Variants in CHRD observed in about 807,000 individuals in gnomAD.
CHRD encodes the protein chordin.
In CHRD, 69 loss-of-function variants were observed where a neutral mutation model predicts 113.7. The ratio of observed to expected loss-of-function variants is 0.61; its 90% CI spans 0.50 to 0.74. CHRD has a LOEUF of 0.74. CHRD is among the 30% of genes least tolerant of loss of function. The probability of loss-of-function intolerance (pLI) is 0.00; values close to 1 mark genes in which losing one functional copy is unlikely to be tolerated. For missense variants in CHRD, 1,194 were observed against 1,295.8 expected, an observed-to-expected ratio of 0.92 and a Z score of 1.21; for synonymous variants, 561 against 540.8, an observed-to-expected ratio of 1.04 and a Z score of -0.52.
rs569589731 is a variant in CHRD, at chr3:184,387,974, G to A, written c.2495G>A (p.Arg832Gln). ...CACTGTGAGAAGGTGCAGTGTCCCC[G>A]GCTGGCCTGTGCCCAGCCTGTGCGT... Residue 832 changes from arginine (R) to glutamine (Q), a missense_variant, in exon 20 of 23, where the codon CGG becomes CAG. Coordinates refer to ENST00000204604, the Ensembl canonical transcript of CHRD. The surrounding 1 kb of genome is among the most constrained non-coding windows in gnomAD (Gnocchi z 6.1). 4.6e-5 allele frequency: 75 copies of A among 1,613,692 alleles called. No individual in the cohort carries two copies. The highest frequency in any genetic ancestry group is 5.8e-5 in the Non-Finnish European group (68 of 1,179,930).
Position 184,388,981 on chromosome 3 carries a change from C to A in CHRD, c.2798C>A (p.Thr933Lys), listed in dbSNP as rs779756651. Residue 933 changes from threonine (T) to lysine (K), a missense_variant, in exon 22 of 23, where the codon ACG becomes AAG. Coordinates refer to ENST00000204604, the Ensembl canonical transcript of CHRD. The surrounding 1 kb of genome is among the most constrained non-coding windows in gnomAD (Gnocchi z 6.1). The stretch of plus-strand genomic sequence containing the variant: ...GAGAGTCGATGCTGTTCCCGCTGCA[C>A]GGCCCACCGGCGGCGTAAGTGAGGG... 7 of 1,610,070 alleles carry A rather than the reference C, an allele frequency of 4.3e-6. No individual in the cohort carries two copies. In the East Asian group the frequency reaches 1.3e-4, roughly 31 times the overall value.
rs1393174909 is a variant in CHRD at position 184,388,442 on chromosome 3, T to A, written c.2555-145T>A. On this transcript the variant is annotated intron_variant, in intron 20 of 22. Coordinates refer to ENST00000204604, the Ensembl canonical transcript of CHRD. This position sits in a 1 kb window ranked among gnomAD's most constrained non-coding sequence, Gnocchi z 6.1. ...ATCCATCCATCCATCCGTCCCTTCA[T>A]CCATCCATTCATCTGCCCACCCACC... 1.2e-6 allele frequency: 1 copy of A among 825,468 alleles called. No individual in the cohort carries two copies. 51.1% of individuals were successfully genotyped at this position (825,468 alleles called of 1,614,324 possible). A position where few individuals can be genotyped will look rare whatever the true frequency, so the allele number is the denominator to read the frequency against.
chr3:184,382,869 T>C, exon 9 of CHRD: 1 of 1,613,022 alleles, frequency 6.2e-7, no homozygotes, highest in Admixed American at 1.7e-5. Flanking sequence ...TAACCCAGGT[T>C]CCCTTGAGGC....
At position 184,381,156 on chromosome 3, in the gene CHRD, G is replaced by A. The variant is rs1302388517; in HGVS notation, c.253-79G>A. The A allele has an allele frequency of 6.5e-7, 1 of 1,543,516 alleles. No individual in the cohort carries two copies. The highest frequency in any genetic ancestry group is 1.1e-5 in the South Asian group (1 of 89,758). On this transcript the variant is annotated intron_variant, in intron 2 of 22. Transcript: ENST00000204604. This position sits in a 1 kb window ranked among gnomAD's most constrained non-coding sequence, Gnocchi z 4.7. Reference sequence around the variant, plus strand: ...GTAAGTGGCAGAGCTGGCTGACTCTGCGGGACATCCTTGCCTGGGGGGGTC... The same window carrying A: ...GTAAGTGGCAGAGCTGGCTGACTCTACGGGACATCCTTGCCTGGGGGGGTC...
exon 16 of CHRD, chr3:184,386,580 C>T (rs1367831359): frequency 1.9e-6 from 3 of 1,584,236 alleles, no homozygotes; most frequent in South Asian, 1.1e-5. Context: ...GCTCCGGATA[C>T]AGCCTCTGCT....
Position 184,384,436 on chromosome 3 carries a change from T to C in CHRD, c.1441-101T>C. The C allele has an allele frequency of 7.7e-7, 1 of 1,304,140 alleles. No individual in the cohort carries two copies. Among genetic ancestry groups the C allele is most frequent in the Non-Finnish European group, 9.9e-7 (1 of 1,008,768 alleles). The allele number at this position is 1,304,140 out of a possible 1,614,324, so 80.8% of individuals were successfully genotyped here. On this transcript the variant is annotated intron_variant, in intron 12 of 22. Transcript: ENST00000204604. The surrounding 1 kb of genome is among the most constrained non-coding windows in gnomAD (Gnocchi z 4.4). ...GTCCTTATCCTGTGTTTCTGGTGTG[T>C]GGAAGTGTGTGTGGGTGGAGTGGGG... is the stretch of plus-strand genomic sequence containing the variant.
chr3:184,381,639 A>C lies in CHRD; in HGVS notation c.511+15A>C, dbSNP rs753637384. ...CGGCCACACGGGTAGGGGGCTGGCG[A>C]ACAGCGGGGTTGTGGTTGAGGCTGG... On this transcript the variant is annotated intron_variant, in intron 4 of 22. Transcript: ENST00000204604. The surrounding 1 kb of genome is among the most constrained non-coding windows in gnomAD (Gnocchi z 4.7). The C allele has an allele frequency of 1.2e-6, 2 of 1,604,294 alleles. No individual in the cohort carries two copies. The highest frequency in any genetic ancestry group is 1.7e-6 in the Non-Finnish European group (2 of 1,174,792).
exon 17 of CHRD, chr3:184,386,902 G>T: frequency 6.2e-7 from 1 of 1,614,214 alleles, no homozygotes; most frequent in Non-Finnish European, 8.5e-7. Flanking sequence ...CCCACACCCG[G>T]TGCAGGCTCC....
chr3:184,387,341 T>C lies in CHRD; in HGVS notation c.2348-33T>C, dbSNP rs746922591. 4.4e-6 allele frequency: 7 copies of C among 1,587,380 alleles called. No homozygotes were observed. Among genetic ancestry groups the C allele is most frequent in the South Asian group, 1.2e-5 (1 of 85,880 alleles). On this transcript the variant is annotated intron_variant, in intron 18 of 22. Transcript: ENST00000204604. This position sits in a 1 kb window ranked among gnomAD's most constrained non-coding sequence, Gnocchi z 6.1. ...GTTGTGGGCCCAGCTGATGAGCTCATACTAATGGCTGCTGGGCCCTGTTCC... is the reference window on the plus strand; with the variant it reads ...GTTGTGGGCCCAGCTGATGAGCTCACACTAATGGCTGCTGGGCCCTGTTCC...
exon 15 of CHRD, chr3:184,386,121 A>G: frequency 3.1e-6 from 5 of 1,614,180 alleles, no homozygotes; most frequent in Non-Finnish European, 4.2e-6. Context: ...CCTGATGATC[A>G]CCACCAAGGG....
Position 184,380,681 on chromosome 3 carries a change from C to G in CHRD, c.149-11C>G, listed in dbSNP as rs750135804. 5 of 1,572,592 alleles carry G rather than the reference C, an allele frequency of 3.2e-6. No homozygotes were observed. Among genetic ancestry groups the G allele is most frequent in the East Asian group, 4.8e-5 (2 of 41,416 alleles). ...CTGGGCAGCGGCCTCCAGCCAAGCC[C>G]GTCCCCGCAGGCTGCACCTTCGGCG... On this transcript the variant is annotated splice_polypyrimidine_tract_variant and intron_variant, in intron 1 of 22. Coordinates refer to ENST00000204604, the Ensembl canonical transcript of CHRD. This position sits in a 1 kb window ranked among gnomAD's most constrained non-coding sequence, Gnocchi z 6.3.
exon 9 of CHRD, chr3:184,382,919 A>G: frequency 6.2e-7 from 1 of 1,614,024 alleles, no homozygotes; most frequent in Non-Finnish European, 8.5e-7. Flanking sequence ...CGAGAACTTC[A>G]GGCCAATGTC....
chr3:184,387,121 G>C lies in CHRD; in HGVS notation c.2347+14G>C, dbSNP rs752279794. 2 of 1,612,964 alleles carry C rather than the reference G, an allele frequency of 1.2e-6. No homozygotes were observed. Among genetic ancestry groups the C allele is most frequent in the Non-Finnish European group, 1.7e-6 (2 of 1,179,040 alleles). On this transcript the variant is annotated intron_variant, in intron 18 of 22. Transcript: ENST00000204604. This position sits in a 1 kb window ranked among gnomAD's most constrained non-coding sequence, Gnocchi z 6.1. ...ACCCAGGAGAGGGTGAGCTGGAAGG[G>C]TGCGTGCAGGGTGGGAGGCCCCAGA...
In CHRD at chr3:184,381,914, C is replaced by A. The variant is rs1160068179; in HGVS notation, c.612-19C>A. ...CTGCTTTTGGCTCAGTCCGGCCTCA[C>A]CCGACCTCTCATTCCCAGGCTGGAC... On this transcript the variant is annotated intron_variant, in intron 5 of 22. Coordinates refer to ENST00000204604, the Ensembl canonical transcript of CHRD. The surrounding 1 kb of genome is among the most constrained non-coding windows in gnomAD (Gnocchi z 4.7). 1 of 1,613,958 alleles carries A rather than the reference C, an allele frequency of 6.2e-7. No homozygotes were observed. The highest frequency in any genetic ancestry group is 1.1e-5 in the South Asian group (1 of 91,060).
At position 184,381,606 on chromosome 3, in the gene CHRD, C is replaced by T. The variant is rs1201286138; in HGVS notation, c.493C>T (p.Arg165Cys). The change falls in exon 4 of 23, where the codon CGT becomes TGT. Residue 165 changes from arginine (R) to cysteine (C), a missense_variant. Coordinates refer to ENST00000204604, the Ensembl canonical transcript of CHRD. The surrounding 1 kb of genome is among the most constrained non-coding windows in gnomAD (Gnocchi z 4.7). ...GGAGCCAGGCGCTGAGGAGCGGGCC[C>T]GTGGTGACGGCCACACGGGTAGGGG... The T allele has an allele frequency of 6.2e-7, 1 of 1,606,714 alleles. No homozygotes were observed.
chr3:184,389,401 G>C, exon 23 of CHRD: 1 of 1,613,670 alleles, frequency 6.2e-7, no homozygotes, highest in African/African-American at 1.3e-5. Flanking sequence ...CAGAGCTGGA[G>C]AAAGAAGCCG....
Position 184,380,491 on chromosome 3 carries a change from CG to C in CHRD, c.148+28del. 8.9e-7 allele frequency: 1 copy of C among 1,127,082 alleles called. No homozygotes were observed. Among genetic ancestry groups the C allele is most frequent in the Non-Finnish European group, 1.1e-6 (1 of 919,424 alleles). 69.8% of individuals were successfully genotyped at this position (1,127,082 alleles called of 1,614,324 possible). ...GGTAGGTGGGCGCCCGGGGGAGGCG[CG>C]GGCGGGGAGTCGGGCTCGGGGCGAG... On this transcript the variant is annotated intron_variant, in intron 1 of 22. Coordinates refer to ENST00000204604, the Ensembl canonical transcript of CHRD. This position sits in a 1 kb window ranked among gnomAD's most constrained non-coding sequence, Gnocchi z 6.3.
At position 184,380,775 on chromosome 3, in the gene CHRD, G is replaced by A; in HGVS notation, c.232G>A (p.Val78Met). ...GGAGCCATTCGGGGTGATGCGCTGC[G>A]TGCTGTGCGCCTGCGAGGCGGTGAG... is the stretch of plus-strand genomic sequence containing the variant. The change falls in exon 2 of 23, where the codon GTG becomes ATG. Residue 78 changes from valine to methionine, a missense_variant. Coordinates refer to ENST00000204604, the Ensembl canonical transcript of CHRD. The surrounding 1 kb of genome is among the most constrained non-coding windows in gnomAD (Gnocchi z 6.3). 6.3e-7 allele frequency: 1 copy of A among 1,598,542 alleles called. No homozygotes were observed. Among genetic ancestry groups the A allele is most frequent in the South Asian group, 1.1e-5 (1 of 90,036 alleles).
In CHRD at chr3:184,388,679, C is replaced by T. The variant is rs1361709660; in HGVS notation, c.2647C>T (p.Gln883Ter). 6.2e-7 allele frequency: 1 copy of T among 1,613,864 alleles called. No individual in the cohort carries two copies. Among genetic ancestry groups the T allele is most frequent in the Non-Finnish European group, 8.5e-7 (1 of 1,180,042 alleles). Residue 883 changes from glutamine (Q) to a stop codon, truncating the protein, a stop_gained, in exon 21 of 23, where the codon CAG becomes TAG. Coordinates refer to ENST00000204604, the Ensembl canonical transcript of CHRD. LOFTEE classifies it high-confidence loss of function. The surrounding 1 kb of genome is among the most constrained non-coding windows in gnomAD (Gnocchi z 6.1). ...TGCTGGGCAGTGGTTCCCAGAGAGT[C>T]AGAGCTGGCACCCCTCAGTGCCCCC...
Sources: gnomAD v4.1 joint callset for allele counts on GRCh38, gnomAD v4.1.1 for gene constraint, Gnocchi (gnomAD v3.1) non-coding constraint, MANE v1.5 for transcripts, NCBI Gene and HGNC (gene_info 2026-07-23, HGNC 2026-07-21) for gene names.